The following TET2 variants were observed in gnomAD, a reference collection of about 807,000 sequenced individuals.
TET2 encodes tet methylcytosine dioxygenase 2.
A neutral mutation model predicts 142.9 loss-of-function variants in TET2; 299 were observed. The ratio of observed to expected loss-of-function variants is 2.09; its 90% confidence interval spans 1.90 to 2.30. TET2 has a LOEUF of 2.30. TET2 is among the 30% of genes most tolerant of loss of function. The pLI is 0.00. For synonymous variants in TET2, 819 were observed against 849.0 expected (o/e 0.96, Z 0.61); for missense variants, 2,418 against 2,378.0 (o/e 1.02, Z -0.35).
At chr4:105,264,704 T>C (rs1378047524) in intron 8 of TET2, among the ~76,000 whole-genome samples, 2 of 152,202 alleles carry the variant, frequency 1.3e-5, no homozygotes, top group African/African-American at 4.8e-5. Flanking sequence ...GCATGGTAGG[T>C]ACTATTGGTA....
At chr4:105,218,033 G>T (rs1260603141) in intron 2 of TET2, among the ~76,000 whole-genome samples, 1 of 152,060 alleles carries the variant, frequency 6.6e-6, no homozygotes, top group Non-Finnish European at 1.5e-5. Context: ...ACTCACATGA[G>T]ATTGATGTTT....
Position 105,235,968 on chromosome 4 carries a change from C to T in TET2, c.2026C>T (p.Leu676=), listed in dbSNP as rs992890154. ...TTTACCAAAAGCTCATGTGCAGTCACTGTGTGGCACTAGATTTCATTTTCA... is the reference window on the plus strand; with the variant it reads ...TTTACCAAAAGCTCATGTGCAGTCATTGTGTGGCACTAGATTTCATTTTCA... ...DHLPKAHVQS[L]CGTRFHFQQR... The change falls in exon 3 of 11, where the codon CTG becomes TTG. Residue 676 remains leucine, a synonymous_variant. Transcript: ENST00000380013. 1 of 1,614,206 alleles carries T rather than the reference C, an allele frequency of 6.2e-7. No homozygotes were observed. Among genetic ancestry groups the T allele is most frequent in the South Asian group, 1.1e-5 (1 of 91,092 alleles).
chr4:105,214,301 A>ATTTT (rs35390923), intron 2 of TET2, among the ~76,000 whole-genome samples: 1,149 of 85,992 alleles, frequency 0.013, 48 homozygotes, highest in African/African-American at 0.033. Flanking sequence ...CCCGAGGGAG[A>ATTTT]TTTTTTTTTT....
intron 2 of TET2, among the ~76,000 whole-genome samples, chr4:105,191,586 A>G (rs1196137231): frequency 2.0e-5 from 3 of 152,154 alleles, no homozygotes; most frequent in Non-Finnish European, 2.9e-5. Context: ...CATTCAGCAT[A>G]ACAAATCTTC....
In TET2 at chr4:105,234,548, C is replaced by T. The variant is rs201865755; in HGVS notation, c.606C>T (p.Asn202=). The change falls in exon 3 of 11, where the codon AAC becomes AAT. Residue 202 remains asparagine (N), a synonymous_variant. Transcript: ENST00000380013. ...ACAAGAACATTGTATTACTTAAAAA[C>T]AAGGCAGTGCTAATGCCTAATGGTG... ...YHDKNIVLLK[N]KAVLMPNGAT... 1,737 of 1,614,156 alleles carry T rather than the reference C, an allele frequency of 1.1e-3. 37 individuals are homozygous for T. In the South Asian group the frequency reaches 0.018, roughly 17 times the overall value.
rs1261712034 is a variant in TET2 at position 105,276,372 on chromosome 4, T to C, written c.5862T>C (p.Ala1954=). 6.4e-7 allele frequency: 1 copy of C among 1,551,886 alleles called. No homozygotes were observed. The highest frequency in any genetic ancestry group is 1.4e-5 in the African/African-American group (1 of 73,050). ...GCAAAAAAGTGAAACGGGAGCCTGCTGAGCCACATGAAACTTCAGAGCCCA... is the reference window on the plus strand; with the variant it reads ...GCAAAAAAGTGAAACGGGAGCCTGCCGAGCCACATGAAACTTCAGAGCCCA... ...SHGKKVKREP[A]EPHETSEPTY... is the part of the protein sequence containing the mutation. Residue 1954 remains alanine (A), a synonymous_variant, in exon 11 of 11, where the codon GCT becomes GCC. Coordinates refer to ENST00000380013, the MANE Select transcript of TET2 (RefSeq NM_001127208.3).
At chr4:105,198,509 A>G (rs1726235170) in intron 2 of TET2, among the ~76,000 whole-genome samples, 1 of 152,240 alleles carries the variant, frequency 6.6e-6, no homozygotes, top group Non-Finnish European at 1.5e-5. Flanking sequence ...AAAATATGTT[A>G]TAAAATGCTA....
intron 8 of TET2, among the ~76,000 whole-genome samples, chr4:105,264,709 T>C (rs534557870): frequency 6.6e-6 from 1 of 152,328 alleles, no homozygotes; most frequent in East Asian, 1.9e-4. Flanking sequence ...GTAGGTACTA[T>C]TGGTAATATT....
rs1041400091 is a variant in TET2 at position 105,188,790 on chromosome 4, G to A, written c.-192-1570G>A. Among the ~76,000 whole-genome samples, 4 of 152,098 alleles carry A rather than the reference G, an allele frequency of 2.6e-5. No individual in the cohort carries two copies. The East Asian group carries it at 5.8e-4, about 22-fold the overall frequency. Reference sequence around the variant, plus strand: ...TGTATGGTTTTATATATATAAAGTCGTTCAAAATAGGAAAACCCATAAAGA... The same window carrying A: ...TGTATGGTTTTATATATATAAAGTCATTCAAAATAGGAAAACCCATAAAGA... On this transcript the variant is annotated intron_variant, in intron 1 of 10. Coordinates refer to ENST00000380013, the MANE Select transcript of TET2 (RefSeq NM_001127208.3).
chr4:105,275,505 C>A lies in TET2; in HGVS notation c.4995C>A (p.Asp1665Glu), dbSNP rs1731167009. 5 of 1,551,702 alleles carry A rather than the reference C, an allele frequency of 3.2e-6. No homozygotes were observed. The highest frequency in any genetic ancestry group is 3.5e-6 in the Non-Finnish European group (4 of 1,146,982). The change falls in exon 11 of 11, where the codon GAC becomes GAA. Residue 1665 changes from aspartate (D) to glutamate (E), a missense_variant. Physicochemically the swap from Asp to Glu is conservative, Grantham distance 45. Coordinates refer to ENST00000380013, the MANE Select transcript of TET2 (RefSeq NM_001127208.3). ...PMDLYRYPSQ[D>E]PLSKLSLPPI... ...ATCTGTATAGGTATCCAAGCCAAGA[C>A]CCTCTGTCTAAGCTCAGTCTACCAC...
chr4:105,240,125 AAAT>A (rs1457588065), intron 3 of TET2: 59 of 232,246 alleles, frequency 2.5e-4, no homozygotes, highest in Non-Finnish European at 2.8e-5. Flanking sequence ...GCCATAACAT[AAAT>A]AATAATAAAC....
In TET2 at chr4:105,236,267, C is replaced by T. The variant is rs1184588234; in HGVS notation, c.2325C>T (p.Phe775=). The T allele has an allele frequency of 6.2e-7, 1 of 1,614,110 alleles. No homozygotes were observed. Among genetic ancestry groups the T allele is most frequent in the Admixed American group, 1.7e-5 (1 of 60,020 alleles). The change falls in exon 3 of 11, where the codon TTC becomes TTT. Residue 775 remains phenylalanine, a synonymous_variant. Transcript: ENST00000380013. ...SNNDQQREGS[F]FGQTKVEECF... is the part of the protein sequence containing the mutation. ...ATGATCAGCAAAGAGAAGGATCATT[C>T]TTTGGCCAGACTAAAGTGGAAGAAT...
At chr4:105,163,397 G>A (rs1452189591) in intron 1 of TET2, among the ~76,000 whole-genome samples, 2 of 152,104 alleles carry the variant, frequency 1.3e-5, no homozygotes, top group African/African-American at 2.4e-5. Context: ...CAAGCTGAAA[G>A]GACTTTAGAG....
At chr4:105,268,414 A>G (rs1320472053) in intron 8 of TET2, among the ~76,000 whole-genome samples, 3 of 152,176 alleles carry the variant, frequency 2.0e-5, no homozygotes, top group Non-Finnish European at 4.4e-5. Flanking sequence ...GGAGAGATAC[A>G]CTATGTTAAT....
intron 1 of TET2, among the ~76,000 whole-genome samples, chr4:105,189,168 AC>A (rs954112315): frequency 6.6e-6 from 1 of 151,816 alleles, no homozygotes; most frequent in Non-Finnish European, 1.5e-5. Flanking sequence ...CTCCCTTCTT[AC>A]TCTGTAAAAT....
chr4:105,161,565 CCTAT>C lies in TET2; in HGVS notation c.-193+14589_-193+14592del, dbSNP rs1253561081. Among the ~76,000 whole-genome samples, 20 of 152,314 alleles carry C rather than the reference CCTAT, an allele frequency of 1.3e-4. No homozygotes were observed. The South Asian group carries it at 1.7e-3, about 13-fold the overall frequency. Reference sequence around the variant, plus strand: ...ACTCTCGAGCTTTAACAAAAATCATCCTATCTTATATTAGAATATTAATATTTTC... The same window carrying C: ...ACTCTCGAGCTTTAACAAAAATCATCCTTATATTAGAATATTAATATTTTC... On this transcript the variant is annotated intron_variant, in intron 1 of 10. Transcript: ENST00000380013.
At chr4:105,183,110 G>A (rs1725217563) in intron 1 of TET2, among the ~76,000 whole-genome samples, 1 of 152,124 alleles carries the variant, frequency 6.6e-6, no homozygotes, top group Non-Finnish European at 1.5e-5. Context: ...AGCACTTAAA[G>A]TCTACCAGTT....
At chr4:105,154,752 C>T (rs116257793) in intron 1 of TET2, among the ~76,000 whole-genome samples, 6,539 of 152,120 alleles carry the variant, frequency 0.043, 480 homozygotes, top group African/African-American at 0.15. Flanking sequence ...TGACTGGGTG[C>T]GGTGGCTCAC....
At chr4:105,207,201 G>A (rs757142102) in intron 2 of TET2, among the ~76,000 whole-genome samples, 1 of 152,146 alleles carries the variant, frequency 6.6e-6, no homozygotes, top group African/African-American at 2.4e-5. Context: ...GACTAATATT[G>A]TAAGTATACG....
Sources: gnomAD v4.1 joint callset for allele counts (sites outside exome capture counted in the v4.1 genomes callset) on GRCh38, gnomAD v4.1.1 for gene constraint, MANE v1.5 for transcripts, NCBI Gene and HGNC (gene_info 2026-07-23, HGNC 2026-07-21) for gene names.